Variants in CRACR2A observed in about 807,000 individuals in gnomAD.
CRACR2A encodes the protein EF-hand calcium-binding domain-containing protein 4B.
A neutral mutation model predicts 90.5 loss-of-function variants in CRACR2A; 79 were observed. The observed-to-expected ratio is 0.87, with a 90% CI of 0.73 to 1.05. The LOEUF (loss-of-function observed/expected upper bound fraction) is 1.05, where lower values mean the gene tolerates loss of function less well. Among genes scored for constraint, CRACR2A ranks in the 50% least tolerant of loss-of-function variants. The probability of loss-of-function intolerance (pLI) is 0.00; values close to 1 mark genes in which losing one functional copy is unlikely to be tolerated. For synonymous variants in CRACR2A, 338 were observed against 356.7 expected, an observed-to-expected ratio of 0.95 and a Z score of 0.59; for missense variants, 823 against 897.2, an observed-to-expected ratio of 0.92 and a Z score of 1.06.
chr12:3,718,073 T>G (rs1031100269), intron 2 of CRACR2A, among the ~76,000 whole-genome samples: 7 of 152,214 alleles, frequency 4.6e-5, no homozygotes, highest in African/African-American at 1.7e-4. Flanking sequence ...CAATTTCTCC[T>G]GTGTTAAACA....
At chr12:3,699,171 T>C (rs1243956498) in intron 3 of CRACR2A, among the ~76,000 whole-genome samples, 2 of 152,342 alleles carry the variant, frequency 1.3e-5, no homozygotes, top group South Asian at 2.1e-4. Context: ...TCTTCTGCTA[T>C]ACACATTGCC....
In CRACR2A at chr12:3,735,912, A is replaced by G. The variant is rs181133153; in HGVS notation, c.-386-2702T>C. On this transcript the variant is annotated intron_variant, in intron 1 of 19. Coordinates refer to ENST00000440314, the MANE Select transcript of CRACR2A (RefSeq NM_001144958.2). The stretch of plus-strand genomic sequence containing the variant: ...ATATTTGAGAACCCTGCTTGACACT[A>G]TAAGCCTGTACTGAGAAGGGATGGC... Among the ~76,000 whole-genome samples the G allele has an allele frequency of 6.4e-4, 97 of 152,296 alleles. 1 individual carries two copies. Among genetic ancestry groups the G allele is most frequent in the African/African-American group, 2.3e-3 (97 of 41,560 alleles).
At chr12:3,672,011 A>G (rs1945252923) in intron 7 of CRACR2A, among the ~76,000 whole-genome samples, 4 of 152,228 alleles carry the variant, frequency 2.6e-5, no homozygotes, top group Admixed American at 2.6e-4. Context: ...ACATAAAAAT[A>G]TACCCTTTAA....
At chr12:3,673,137 G>A (rs56330854) in intron 7 of CRACR2A, among the ~76,000 whole-genome samples, 22,451 of 152,078 alleles carry the variant, frequency 0.15, 1,828 homozygotes, top group South Asian at 0.26. Flanking sequence ...CCAACCCTCC[G>A]CCTGCAAAAT....
chr12:3,627,599 G>GC, intron 16 of CRACR2A, 26 bp downstream of exon 16: 2 of 1,551,568 alleles, frequency 1.3e-6, no homozygotes, highest in Non-Finnish European at 1.7e-6. Context: ...TCCCTCTGGA[G>GC]CCCAGAACTT....
intron 3 of CRACR2A, among the ~76,000 whole-genome samples, chr12:3,704,372 G>C (rs1478045695): frequency 6.6e-6 from 1 of 152,210 alleles, no homozygotes; most frequent in African/African-American, 2.4e-5. Context: ...CAGTAGGCAG[G>C]AGTGAGAAGG....
chr12:3,634,094 G>C (rs1386033454), intron 14 of CRACR2A, among the ~76,000 whole-genome samples: 2 of 152,330 alleles, frequency 1.3e-5, no homozygotes, highest in South Asian at 4.1e-4. Flanking sequence ...GGGCACAGAG[G>C]AGGGGATCTG....
chr12:3,627,583 C>T (rs371261147), intron 16 of CRACR2A, 33 bp from the exon 17 acceptor site: 43 of 1,551,234 alleles, frequency 2.8e-5, no homozygotes, highest in Admixed American at 1.8e-4. Context: ...CAGGCATGCA[C>T]GGCCTTCCCT....
At chr12:3,730,120 G>A (rs994626789) in intron 2 of CRACR2A, 2 of 152,170 alleles carry the variant, frequency 1.3e-5, no homozygotes, top group African/African-American at 4.8e-5. Context: ...GTGGGCAGGG[G>A]CCGATGAAGA....
chr12:3,742,544 T>C (rs2191537), intron 1 of CRACR2A, among the ~76,000 whole-genome samples: 41,137 of 152,130 alleles, frequency 0.27, 6,392 homozygotes, highest in African/African-American at 0.43. Context: ...GGCTCCCTGC[T>C]GGGAGAAATC....
At position 3,720,182 on chromosome 12, in the gene CRACR2A, C is replaced by T. The variant is rs532934807; in HGVS notation, c.-117-6865G>A. 8.7e-3 allele frequency among the ~76,000 whole-genome samples: 399 copies of T among 45,938 alleles called. 5 individuals carry two copies. Among genetic ancestry groups the T allele is most frequent in the Middle Eastern group, 0.083 (3 of 36 alleles). 30.1% of individuals were successfully genotyped at this position (45,938 alleles called of 152,430 possible). A position where few individuals can be genotyped will look rare whatever the true frequency, so the allele number is the denominator to read the frequency against. Reference sequence around the variant, plus strand: ...GAGAGAGAGAGAAAGGAAGGGAGGGCGGGAGGGAGGGGGAGGGAGGGAGGG... The same window carrying T: ...GAGAGAGAGAGAAAGGAAGGGAGGGTGGGAGGGAGGGGGAGGGAGGGAGGG... On this transcript the variant is annotated intron_variant, in intron 2 of 19. Coordinates refer to ENST00000440314, the MANE Select transcript of CRACR2A (RefSeq NM_001144958.2).
chr12:3,653,076 A>G (rs554944361), intron 10 of CRACR2A, among the ~76,000 whole-genome samples: 10 of 151,592 alleles, frequency 6.6e-5, no homozygotes, highest in South Asian at 2.1e-4. Context: ...TCTGCCTCCC[A>G]GGTTCAAGCC....
At chr12:3,717,582 T>C (rs553977672) in intron 2 of CRACR2A, among the ~76,000 whole-genome samples, 1 of 152,278 alleles carries the variant, frequency 6.6e-6, no homozygotes, top group African/African-American at 2.4e-5. Context: ...AACCATAAAA[T>C]GATGAGAGCA....
At chr12:3,655,943 C>G (rs1177191588) in intron 9 of CRACR2A, among the ~76,000 whole-genome samples, 1 of 152,194 alleles carries the variant, frequency 6.6e-6, no homozygotes, top group Admixed American at 6.5e-5. Context: ...AGCCTCCCCC[C>G]AGATATAGTG....
chr12:3,693,876 G>T (rs1390236469), intron 4 of CRACR2A, among the ~76,000 whole-genome samples: 1 of 152,186 alleles, frequency 6.6e-6, no homozygotes, highest in Non-Finnish European at 1.5e-5. Context: ...AACCCTCTGG[G>T]CTCTGCATCA....
intron 1 of CRACR2A, among the ~76,000 whole-genome samples, chr12:3,744,874 T>C (rs1270611179): frequency 6.6e-6 from 1 of 152,132 alleles, no homozygotes; most frequent in Non-Finnish European, 1.5e-5. Flanking sequence ...GAGGAAACAA[T>C]TCACAATGTG....
At chr12:3,651,630 G>C (rs535962385) in intron 10 of CRACR2A, among the ~76,000 whole-genome samples, 1 of 152,112 alleles carries the variant, frequency 6.6e-6, no homozygotes, top group African/African-American at 2.4e-5. Flanking sequence ...AATTAATTTT[G>C]CCTGTTCAGA....
At chr12:3,639,858 C>T (rs1944532218) in intron 13 of CRACR2A, among the ~76,000 whole-genome samples, 1 of 152,116 alleles carries the variant, frequency 6.6e-6, no homozygotes, top group Non-Finnish European at 1.5e-5. Context: ...GTCTTCTTTC[C>T]AGCAAACTTC....
intron 11 of CRACR2A, chr12:3,647,917 G>C (rs1306553408): frequency 1.0e-6 from 1 of 985,460 alleles, no homozygotes; most frequent in Non-Finnish European, 1.2e-6. Flanking sequence ...GTCTTTCTGA[G>C]GAGGGGAGGG....
Sources: gnomAD v4.1 joint callset for allele counts (sites outside exome capture counted in the v4.1 genomes callset) on GRCh38, gnomAD v4.1.1 for gene constraint, MANE v1.5 for transcripts, NCBI Gene and HGNC (gene_info 2026-07-23, HGNC 2026-07-21) for gene names.